Variants in CSMD1 observed in about 807,000 individuals in gnomAD.
CSMD1 encodes the protein CUB and Sushi multiple domains 1.
In CSMD1, 213 loss-of-function variants were observed where a neutral mutation model predicts 417.5. That is an observed-to-expected ratio of 0.51 (90% CI 0.46 to 0.57). CSMD1 has a LOEUF of 0.57. CSMD1 is among the 20% of genes least tolerant of loss of function. The pLI is 0.00. For missense variants in CSMD1, 6,923 were observed against 4,529.7 expected (o/e 1.53, Z -15.17); for synonymous variants, 2,862 against 1,736.8 (o/e 1.65, Z -16.11).
Position 3,195,454 on chromosome 8 carries a change from A to G in CSMD1, c.5194+4260T>C, listed in dbSNP as rs987285859. Among the ~76,000 whole-genome samples the G allele has an allele frequency of 3.3e-5, 5 of 152,238 alleles. No individual in the cohort carries two copies. The East Asian group carries it at 9.6e-4, about 29-fold the overall frequency. On this transcript the variant is annotated intron_variant, in intron 33 of 69. Coordinates refer to ENST00000635120, the MANE Select transcript of CSMD1 (RefSeq NM_033225.6). ...GTAATTACTTAATGGCATAGAATCA[A>G]TGGCCTCTTCTAATCCTGGAAGAAG... is the stretch of plus-strand genomic sequence containing the variant.
chr8:3,756,712 A>G (rs1797680770), intron 5 of CSMD1, among the ~76,000 whole-genome samples: 1 of 152,168 alleles, frequency 6.6e-6, no homozygotes, highest in East Asian at 1.9e-4. Flanking sequence ...AACCGCAATC[A>G]ATGCTTGTTT....
intron 16 of CSMD1, among the ~76,000 whole-genome samples, chr8:3,399,015 T>C (rs936068487): frequency 1.3e-5 from 2 of 152,142 alleles, no homozygotes; most frequent in African/African-American, 4.8e-5. Context: ...ACAGGAGAGC[T>C]GATTTCCTCT....
chr8:3,414,212 CAAAAAAAAAAAA>C (rs1161625328), intron 12 of CSMD1, among the ~76,000 whole-genome samples: 15 of 49,750 alleles, frequency 3.0e-4, no homozygotes, highest in African/African-American at 9.1e-4. Flanking sequence ...GCACCTAAAG[CAAAAAAAAAAAA>C]AAAAAAAAAA....
intron 36 of CSMD1, among the ~76,000 whole-genome samples, chr8:3,184,703 A>G (rs1464592952): frequency 1.3e-5 from 2 of 152,170 alleles, no homozygotes; most frequent in Non-Finnish European, 2.9e-5. Context: ...TGCTTTCAGG[A>G]CTCATCCTAT....
chr8:4,237,986 G>T (rs1199483911), intron 3 of CSMD1, among the ~76,000 whole-genome samples: 3 of 152,168 alleles, frequency 2.0e-5, no homozygotes, highest in East Asian at 1.9e-4. Flanking sequence ...GGTGACAGAG[G>T]CATGCACAGG....
rs1215545488 is a variant in CSMD1, at chr8:3,200,256, C to T, written c.5099-447G>A. On this transcript the variant is annotated intron_variant, in intron 32 of 69. Coordinates refer to ENST00000635120, the MANE Select transcript of CSMD1 (RefSeq NM_033225.6). ...AGGCCTTCTGAAGTATATTTTTAAC[C>T]TTTAAAAGCACATATAGGCCAGGTG... Among the ~76,000 whole-genome samples, 3 of 151,512 alleles carry T rather than the reference C, an allele frequency of 2.0e-5. No homozygotes were observed. The East Asian group carries it at 5.8e-4, about 29-fold the overall frequency.
chr8:2,961,100 T>C (rs1324387251), intron 62 of CSMD1, 41 bp downstream of exon 62: 1 of 1,330,470 alleles, frequency 7.5e-7, no homozygotes, highest in Non-Finnish European at 1.0e-6. Context: ...ATATATTTTA[T>C]ATTTCCAGAA....
intron 1 of CSMD1, among the ~76,000 whole-genome samples, chr8:4,707,374 C>T (rs1401240131): frequency 1.3e-5 from 2 of 152,064 alleles, no homozygotes; most frequent in Non-Finnish European, 2.9e-5. Flanking sequence ...ATCTAGATTT[C>T]CAAAAGCATG....
intron 5 of CSMD1, among the ~76,000 whole-genome samples, chr8:3,844,781 C>G (rs77089908): frequency 0.035 from 5,292 of 152,180 alleles, 286 homozygotes; most frequent in African/African-American, 0.11. Context: ...GCGAAACATA[C>G]TCTGCCACTT....
At chr8:3,708,391 A>G (rs1455631912) in intron 7 of CSMD1, 23 bp downstream of exon 7, 1 of 1,602,900 alleles carries the variant, frequency 6.2e-7, no homozygotes, top group African/African-American at 1.3e-5. Context: ...ATCAATCCTC[A>G]GATAGAAAGG....
At chr8:4,414,057 G>A (rs867896027) in intron 3 of CSMD1, among the ~76,000 whole-genome samples, 1 of 152,184 alleles carries the variant, frequency 6.6e-6, no homozygotes, top group Non-Finnish European at 1.5e-5. Flanking sequence ...TTTCTATCCT[G>A]CCAGGTGCAT....
intron 2 of CSMD1, among the ~76,000 whole-genome samples, chr8:4,534,400 T>G (rs186166341): frequency 6.6e-6 from 1 of 152,358 alleles, no homozygotes; most frequent in East Asian, 1.9e-4. Context: ...GAAACTTGTT[T>G]TCACTCATTC....
intron 10 of CSMD1, among the ~76,000 whole-genome samples, chr8:3,551,414 A>C (rs1450004639): frequency 1.3e-5 from 2 of 152,062 alleles, no homozygotes. Context: ...AGGTTGCAGT[A>C]AACTGGAATT....
intron 31 of CSMD1, among the ~76,000 whole-genome samples, chr8:3,203,375 A>G (rs1325177678): frequency 6.6e-6 from 1 of 152,194 alleles, no homozygotes; most frequent in Non-Finnish European, 1.5e-5. Flanking sequence ...AAAGCTGTTC[A>G]CTGCTATCTA....
chr8:4,441,653 G>T (rs74299153), intron 2 of CSMD1, among the ~76,000 whole-genome samples: 2 of 152,068 alleles, frequency 1.3e-5, no homozygotes, highest in Admixed American at 1.3e-4. Context: ...TCACAGAAAA[G>T]TCACATTTTT....
chr8:4,046,891 C>A (rs957024513), intron 3 of CSMD1, among the ~76,000 whole-genome samples: 1 of 152,076 alleles, frequency 6.6e-6, no homozygotes, highest in East Asian at 1.9e-4. Flanking sequence ...GACAATGAGG[C>A]CATCTAAAAA....
At chr8:3,644,799 C>T (rs1050177006) in intron 7 of CSMD1, among the ~76,000 whole-genome samples, 14 of 151,866 alleles carry the variant, frequency 9.2e-5, no homozygotes, top group Non-Finnish European at 1.8e-4. Flanking sequence ...GTTTATACAG[C>T]ATTTCCACTT....
intron 5 of CSMD1, among the ~76,000 whole-genome samples, chr8:3,821,562 C>T (rs1801737261): frequency 6.6e-6 from 1 of 152,108 alleles, no homozygotes; most frequent in Non-Finnish European, 1.5e-5. Context: ...GAGGGCGGAT[C>T]ACTGAGGTCA....
intron 4 of CSMD1, among the ~76,000 whole-genome samples, chr8:4,019,890 T>C (rs1366136623): frequency 1.3e-5 from 2 of 149,410 alleles, no homozygotes; most frequent in African/African-American, 2.5e-5. Context: ...TAGTTTCTTA[T>C]TCTAAAGAAT....
Sources: gnomAD v4.1 joint callset for allele counts (sites outside exome capture counted in the v4.1 genomes callset) on GRCh38, gnomAD v4.1.1 for gene constraint, MANE v1.5 for transcripts, NCBI Gene and HGNC (gene_info 2026-07-23, HGNC 2026-07-21) for gene names.